RHBDD1: variants seen among roughly 807,000 people sequenced by gnomAD.
RHBDD1 encodes rhomboid domain containing 1.
RHBDD1 carries 38 observed loss-of-function variants against 36.3 expected under a neutral mutation model. The ratio of observed to expected loss-of-function variants is 1.05; its 90% CI spans 0.81 to 1.37. RHBDD1 has a LOEUF of 1.37. Among genes scored for constraint, RHBDD1 ranks in the 40% most tolerant of loss-of-function variants. RHBDD1 has a pLI of 0.00. For synonymous variants in RHBDD1, 151 were observed against 136.5 expected, an observed-to-expected ratio of 1.11 and a Z score of -0.74; for missense variants, 393 against 377.6, an observed-to-expected ratio of 1.04 and a Z score of -0.34.
chr2:226,945,946 T>A (rs1406267705), intron 8 of RHBDD1, among the ~76,000 whole-genome samples: 2 of 152,208 alleles, frequency 1.3e-5, no homozygotes, highest in Non-Finnish European at 2.9e-5. Flanking sequence ...GCCACATAAA[T>A]GTCTTCTTTC....
At chr2:226,953,976 C>T (rs1328343188) in intron 8 of RHBDD1, among the ~76,000 whole-genome samples, 2 of 152,146 alleles carry the variant, frequency 1.3e-5, no homozygotes, top group Non-Finnish European at 2.9e-5. Context: ...GCACCATCCT[C>T]CTCCTGCCAT....
chr2:226,831,069 C>T (rs932106514), upstream of RHBDD1, among the ~76,000 whole-genome samples: 1 of 152,222 alleles, frequency 6.6e-6, no homozygotes, highest in Non-Finnish European at 1.5e-5. Flanking sequence ...AATTTTTGTA[C>T]ATTCACAAGG....
intron 2 of RHBDD1, among the ~76,000 whole-genome samples, chr2:226,838,930 TGTTA>T (rs1247253772): frequency 4.6e-5 from 7 of 152,230 alleles, no homozygotes; most frequent in Admixed American, 2.6e-4. Flanking sequence ...AAGTATCTTC[TGTTA>T]GTTAATGGGG....
At chr2:226,982,505 A>G (rs1408752173) in intron 8 of RHBDD1, among the ~76,000 whole-genome samples, 2 of 152,262 alleles carry the variant, frequency 1.3e-5, no homozygotes, top group Admixed American at 1.3e-4. Context: ...TTCAGCATCA[A>G]TAGATGTAAT....
chr2:226,816,528 GA>G, the RHBDD1 span, among the ~76,000 whole-genome samples: 3 of 152,224 alleles, frequency 2.0e-5, no homozygotes, highest in South Asian at 4.1e-4. Flanking sequence ...TCAAAGTTAA[GA>G]AATGAATAAT....
At chr2:226,961,512 T>C (rs1952198596) in intron 8 of RHBDD1, among the ~76,000 whole-genome samples, 1 of 151,888 alleles carries the variant, frequency 6.6e-6, no homozygotes, top group South Asian at 2.1e-4. Context: ...GTCCCTTTTA[T>C]GTACCAGGAA....
intron 5 of RHBDD1, among the ~76,000 whole-genome samples, chr2:226,879,126 G>GT (rs1392951900): frequency 6.6e-6 from 1 of 151,864 alleles, no homozygotes; most frequent in Non-Finnish European, 1.5e-5. Flanking sequence ...TATAGAAAGG[G>GT]TAAGTATTAT....
intron 8 of RHBDD1, among the ~76,000 whole-genome samples, chr2:226,986,590 T>C (rs188084383): frequency 1.6e-4 from 25 of 152,332 alleles, no homozygotes; most frequent in African/African-American, 6.0e-4. Flanking sequence ...AAGCTCATCA[T>C]CACTGGTCAT....
chr2:226,822,981 C>T, the RHBDD1 span, among the ~76,000 whole-genome samples: 26 of 152,138 alleles, frequency 1.7e-4, no homozygotes, highest in Admixed American at 2.0e-4. Flanking sequence ...CAAAAATTAG[C>T]TGGGCATGGT....
intron 8 of RHBDD1, among the ~76,000 whole-genome samples, chr2:226,994,291 AC>A (rs1559367984): frequency 6.6e-6 from 1 of 152,210 alleles, no homozygotes; most frequent in Admixed American, 6.5e-5. Context: ...GGGGTCCCCT[AC>A]CATTTTAGAG....
intron 4 of RHBDD1, 105 bp downstream of exon 4, chr2:226,865,231 A>G: frequency 2.3e-6 from 2 of 864,156 alleles, no homozygotes; most frequent in Admixed American, 2.3e-5. Context: ...TGAGTGGTTA[A>G]GGGCTGCTGA....
At chr2:226,845,777 T>A (rs1574765042) in intron 3 of RHBDD1, among the ~76,000 whole-genome samples, 1 of 152,242 alleles carries the variant, frequency 6.6e-6, no homozygotes, top group East Asian at 1.9e-4. Flanking sequence ...TTAACAAAGC[T>A]GAATGTTGCT....
intron 8 of RHBDD1, among the ~76,000 whole-genome samples, chr2:226,930,763 T>C (rs901030792): frequency 6.6e-6 from 1 of 151,766 alleles, no homozygotes; most frequent in Non-Finnish European, 1.5e-5. Context: ...ATATCCAGAA[T>C]CTACAATGAA....
chr2:226,841,352 T>C (rs1312997975), intron 3 of RHBDD1, among the ~76,000 whole-genome samples: 1 of 152,150 alleles, frequency 6.6e-6, no homozygotes, highest in Non-Finnish European at 1.5e-5. Context: ...GATGTGCAGG[T>C]TTGTTACATA....
At chr2:226,862,289 T>G (rs1328089312) in intron 3 of RHBDD1, among the ~76,000 whole-genome samples, 2 of 152,070 alleles carry the variant, frequency 1.3e-5, no homozygotes, top group East Asian at 3.8e-4. Flanking sequence ...GGGAGGAAAT[T>G]GAAGTTCAGA....
intron 8 of RHBDD1, among the ~76,000 whole-genome samples, chr2:226,941,217 C>T (rs553569523): frequency 1.3e-5 from 2 of 152,290 alleles, no homozygotes; most frequent in South Asian, 2.1e-4. Flanking sequence ...CCACCCGCCT[C>T]AGCCTCCCAA....
At chr2:226,833,207 ATTATC>A (rs1183315943), upstream of RHBDD1, among the ~76,000 whole-genome samples, 3 of 152,226 alleles carry the variant, frequency 2.0e-5, no homozygotes, top group Non-Finnish European at 4.4e-5. Flanking sequence ...AAAGCTATAA[ATTATC>A]TTATCAGTTT....
intron 5 of RHBDD1, among the ~76,000 whole-genome samples, chr2:226,877,439 C>A (rs1945330115): frequency 6.6e-6 from 1 of 152,004 alleles, no homozygotes; most frequent in Non-Finnish European, 1.5e-5. Flanking sequence ...TAGAAGTTTT[C>A]CAAAATTCTA....
intron 8 of RHBDD1, among the ~76,000 whole-genome samples, chr2:226,925,950 A>G (rs1047726450): frequency 1.3e-5 from 2 of 152,054 alleles, no homozygotes; most frequent in Non-Finnish European, 1.5e-5. Context: ...TGTGTGTTTC[A>G]GAGGGGAAAG....
Sources: allele counts gnomAD v4.1 joint callset (sites outside exome capture counted in the v4.1 genomes callset), GRCh38; gene constraint gnomAD v4.1.1; transcripts MANE v1.5; gene names NCBI Gene and HGNC (gene_info 2026-07-23, HGNC 2026-07-21).